The following XXYLT1 variants were observed in gnomAD, a reference collection of about 807,000 sequenced individuals.
The protein encoded by XXYLT1 is UDP-xylose:alpha-xyloside alpha-1,3-xylosyltransferase.
A neutral mutation model predicts 28.9 loss-of-function variants in XXYLT1; 20 were observed. The observed-to-expected ratio is 0.69, with a 90% confidence interval of 0.49 to 1.00. The LOEUF (loss-of-function observed/expected upper bound fraction) is 1.00, where lower values mean the gene tolerates loss of function less well. Among genes scored for constraint, XXYLT1 ranks in the 50% least tolerant of loss-of-function variants. The pLI, the probability that XXYLT1 is intolerant of heterozygous loss-of-function variation, is 0.00. For synonymous variants in XXYLT1, 257 were observed against 253.8 expected (o/e 1.01, Z -0.12); for missense variants, 542 against 560.1 (o/e 0.97, Z 0.33).
chr3:195,143,899 A>AT (rs1719691938), intron 3 of XXYLT1, among the ~76,000 whole-genome samples: 1 of 111,340 alleles, frequency 9.0e-6, no homozygotes, highest in East Asian at 4.4e-4. Context: ...TTTATTTTTT[A>AT]TTTTTATTTT....
At chr3:195,217,751 C>T (rs1723636543) in intron 2 of XXYLT1, among the ~76,000 whole-genome samples, 2 of 151,534 alleles carry the variant, frequency 1.3e-5, no homozygotes, top group African/African-American at 2.4e-5. Flanking sequence ...AGGTAATTTA[C>T]AGATTCAATG....
rs144044422 is a variant in XXYLT1, at chr3:195,154,762, A to G, written c.785+1687T>C. 4.3e-3 allele frequency among the ~76,000 whole-genome samples: 657 copies of G among 152,304 alleles called. 2 individuals are homozygous for G. The highest frequency in any genetic ancestry group is 0.015 in the African/African-American group (629 of 41,558). On this transcript the variant is annotated intron_variant, in intron 3 of 3. Transcript: ENST00000310380. Reference sequence around the variant, plus strand: ...TCCCAAGTGTACTTTATTTCCTTTCATTCCGGTCTAAAGCTTTTTAATAAA... The same window carrying G: ...TCCCAAGTGTACTTTATTTCCTTTCGTTCCGGTCTAAAGCTTTTTAATAAA...
At chr3:195,082,311 G>A (rs1560084303) in intron 3 of XXYLT1, among the ~76,000 whole-genome samples, 1 of 152,174 alleles carries the variant, frequency 6.6e-6, no homozygotes, top group Non-Finnish European at 1.5e-5. Flanking sequence ...GGGGTGATGA[G>A]TCTCAGGCGT....
At chr3:195,158,635 C>T (rs988259175) in intron 2 of XXYLT1, among the ~76,000 whole-genome samples, 2 of 152,296 alleles carry the variant, frequency 1.3e-5, no homozygotes, top group Admixed American at 1.3e-4. Flanking sequence ...AGGAGACAGG[C>T]GGCAACTCCA....
intron 3 of XXYLT1, among the ~76,000 whole-genome samples, chr3:195,140,602 G>T (rs1034877400): frequency 6.6e-6 from 1 of 152,160 alleles, no homozygotes; most frequent in African/African-American, 2.4e-5. Context: ...AGGTGTAGGG[G>T]AAGCAAGCAC....
chr3:195,165,409 G>A (rs1486564123), intron 2 of XXYLT1, among the ~76,000 whole-genome samples: 1 of 152,130 alleles, frequency 6.6e-6, no homozygotes, highest in Non-Finnish European at 1.5e-5. Context: ...CTCAGCGAGA[G>A]GAAGATGTCC....
Position 195,173,174 on chromosome 3 carries a change from C to T in XXYLT1, c.653-16593G>A, listed in dbSNP as rs1440774418. Among the ~76,000 whole-genome samples the T allele has an allele frequency of 6.6e-6, 1 of 152,226 alleles. No homozygotes were observed. The highest frequency in any genetic ancestry group is 1.5e-5 in the Non-Finnish European group (1 of 68,034). On this transcript the variant is annotated intron_variant, in intron 2 of 3. Coordinates refer to ENST00000310380, the MANE Select transcript of XXYLT1 (RefSeq NM_152531.5). The surrounding 1 kb of genome is among the most constrained non-coding windows in gnomAD (Gnocchi z 4.3). ...CGGTGCTCCCAACAGTGGAGATGCTCACCCTGAGAGATGTCATAGAGCTCT... is the reference window on the plus strand; with the variant it reads ...CGGTGCTCCCAACAGTGGAGATGCTTACCCTGAGAGATGTCATAGAGCTCT...
At chr3:195,205,547 G>A (rs990079469) in intron 2 of XXYLT1, among the ~76,000 whole-genome samples, 2 of 152,116 alleles carry the variant, frequency 1.3e-5, no homozygotes, top group African/African-American at 2.4e-5. Context: ...GGGGATAAAC[G>A]TTCTCAGCTT....
intron 3 of XXYLT1, among the ~76,000 whole-genome samples, chr3:195,104,261 C>A (rs1716970710): frequency 6.7e-6 from 1 of 148,558 alleles, no homozygotes. Context: ...TATGAGAGGG[C>A]AGATGCCATG....
rs537040281 is a variant in XXYLT1 at position 195,218,915 on chromosome 3, C to G, written c.652+7794G>C. On this transcript the variant is annotated intron_variant, in intron 2 of 3. Transcript: ENST00000310380. The stretch of plus-strand genomic sequence containing the variant: ...CAATAGCAAAGACTTGGAACCAACC[C>G]AAATGTCCAACAATGATAGACTGGA... Among the ~76,000 whole-genome samples the G allele has an allele frequency of 1.5e-3, 226 of 151,816 alleles. 1 individual carries two copies. Among genetic ancestry groups the G allele is most frequent in the African/African-American group, 5.1e-3 (211 of 41,268 alleles).
In XXYLT1 at chr3:195,076,112, G is replaced by A. The variant is rs1715100181; in HGVS notation, c.786-6001C>T. ...TCTCCCCGCACGCTGGAGGCTGCCAGGGCCCTGCTTTGCAACTGCTGGCAT... is the reference window on the plus strand; with the variant it reads ...TCTCCCCGCACGCTGGAGGCTGCCAAGGCCCTGCTTTGCAACTGCTGGCAT... On this transcript the variant is annotated intron_variant, in intron 3 of 3. Coordinates refer to ENST00000310380, the MANE Select transcript of XXYLT1 (RefSeq NM_152531.5). The surrounding 1 kb of genome is among the most constrained non-coding windows in gnomAD (Gnocchi z 5.3). Among the ~76,000 whole-genome samples the A allele has an allele frequency of 6.6e-6, 1 of 152,238 alleles. No homozygotes were observed. Among genetic ancestry groups the A allele is most frequent in the Non-Finnish European group, 1.5e-5 (1 of 68,044 alleles).
At position 195,180,450 on chromosome 3, in the gene XXYLT1, T is replaced by G. The variant is rs1330917892; in HGVS notation, c.653-23869A>C. 1.0e-6 allele frequency: 1 copy of G among 985,596 alleles called. No individual in the cohort carries two copies. The highest frequency in any genetic ancestry group is 1.7e-5 in the African/African-American group (1 of 57,266). 61.1% of individuals were successfully genotyped at this position (985,596 alleles called of 1,614,324 possible). On this transcript the variant is annotated intron_variant, in intron 2 of 3. Transcript: ENST00000310380. This position sits in a 1 kb window ranked among gnomAD's most constrained non-coding sequence, Gnocchi z 5.8. ...GTTTCCTGCTGCTTTTCTCATTTCA[T>G]GAACTTCTTTTGAACAATTTCCTGT...
At position 195,180,473 on chromosome 3, in the gene XXYLT1, T is replaced by G; in HGVS notation, c.653-23892A>C. 2 of 985,616 alleles carry G rather than the reference T, an allele frequency of 2.0e-6. No individual in the cohort carries two copies. Among genetic ancestry groups the G allele is most frequent in the Non-Finnish European group, 2.4e-6 (2 of 830,038 alleles). The allele number at this position is 985,616 out of a possible 1,614,324, so 61.1% of individuals were successfully genotyped here. A position where few individuals can be genotyped will look rare whatever the true frequency, so the allele number is the denominator to read the frequency against. On this transcript the variant is annotated intron_variant, in intron 2 of 3. Transcript: ENST00000310380. The surrounding 1 kb of genome is among the most constrained non-coding windows in gnomAD (Gnocchi z 5.8). ...CATGAACTTCTTTTGAACAATTTCCTGTTCCTTTTTCTTTCTATGCTCCTC... is the reference window on the plus strand; with the variant it reads ...CATGAACTTCTTTTGAACAATTTCCGGTTCCTTTTTCTTTCTATGCTCCTC...
intron 3 of XXYLT1, among the ~76,000 whole-genome samples, chr3:195,081,693 G>A (rs957100428): frequency 2.6e-5 from 4 of 152,188 alleles, no homozygotes; most frequent in African/African-American, 7.2e-5. Flanking sequence ...ATGTTATGAG[G>A]TAATGCAAGT....
At position 195,268,337 on chromosome 3, in the gene XXYLT1, A is replaced by C. The variant is rs767657337; in HGVS notation, c.504+2218T>G. On this transcript the variant is annotated intron_variant, in intron 1 of 3. Transcript: ENST00000310380. ...TCCCAGCTACTCAGGAGGCTGGGCC[A>C]GGAGAATCACTTGAACCTTGGAGGC... Among the ~76,000 whole-genome samples the C allele has an allele frequency of 3.8e-4, 58 of 152,118 alleles. No individual in the cohort carries two copies. The Middle Eastern group carries it at 0.017, about 45-fold the overall frequency.
At chr3:195,165,778 T>A (rs566380815) in intron 2 of XXYLT1, among the ~76,000 whole-genome samples, 1 of 152,208 alleles carries the variant, frequency 6.6e-6, no homozygotes, top group South Asian at 2.1e-4. Context: ...ATCATCATCG[T>A]TATATTAGTG....
At position 195,256,876 on chromosome 3, in the gene XXYLT1, G is replaced by A. The variant is rs930340036; in HGVS notation, c.504+13679C>T. 1.3e-5 allele frequency among the ~76,000 whole-genome samples: 2 copies of A among 152,192 alleles called. No homozygotes were observed. The highest frequency in any genetic ancestry group is 4.8e-5 in the African/African-American group (2 of 41,448). ...TTGCCCAGGGCACTGCCTGCCAGCC[G>A]GGGCTCTAGGCAGACCAAGCAACCT... On this transcript the variant is annotated intron_variant, in intron 1 of 3. Coordinates refer to ENST00000310380, the MANE Select transcript of XXYLT1 (RefSeq NM_152531.5). This position sits in a 1 kb window ranked among gnomAD's most constrained non-coding sequence, Gnocchi z 4.2.
chr3:195,142,971 C>T (rs1272725189), intron 3 of XXYLT1, among the ~76,000 whole-genome samples: 1 of 152,208 alleles, frequency 6.6e-6, no homozygotes, highest in Non-Finnish European at 1.5e-5. Flanking sequence ...CTCTTATACA[C>T]ATTCGACCTC....
chr3:195,168,504 A>T lies in XXYLT1; in HGVS notation c.653-11923T>A, dbSNP rs1577102406. 7.1e-6 allele frequency among the ~76,000 whole-genome samples: 1 copy of T among 140,582 alleles called. No individual in the cohort carries two copies. Among genetic ancestry groups the T allele is most frequent in the African/African-American group, 3.3e-5 (1 of 30,472 alleles). The allele number at this position is 140,582 out of a possible 152,430, so 92.2% of individuals were successfully genotyped here. ...AAATATCCTCTGCTGCCACTGCTGCAGCTGCTTCCATCCTACCCTGGTCCT... is the reference window on the plus strand; with the variant it reads ...AAATATCCTCTGCTGCCACTGCTGCTGCTGCTTCCATCCTACCCTGGTCCT... On this transcript the variant is annotated intron_variant, in intron 2 of 3. Coordinates refer to ENST00000310380, the MANE Select transcript of XXYLT1 (RefSeq NM_152531.5). The surrounding 1 kb of genome is among the most constrained non-coding windows in gnomAD (Gnocchi z 4.3).
Sources: allele counts gnomAD v4.1 joint callset (sites outside exome capture counted in the v4.1 genomes callset), GRCh38; gene constraint gnomAD v4.1.1; non-coding constraint Gnocchi (gnomAD v3.1); transcripts MANE v1.5; gene names NCBI Gene and HGNC (gene_info 2026-07-23, HGNC 2026-07-21).